WDPCP: variants seen among roughly 807,000 people sequenced by gnomAD.
WDPCP encodes the protein WD repeat-containing and planar cell polarity effector protein fritz homolog.
Under a neutral mutation model 93.1 loss-of-function variants are expected in WDPCP, and 71 were observed. The ratio of observed to expected loss-of-function variants is 0.76; its 90% CI spans 0.63 to 0.93. WDPCP has a LOEUF of 0.93. WDPCP is among the 40% of genes least tolerant of loss of function. The probability of loss-of-function intolerance (pLI) is 0.00; values close to 1 mark genes in which losing one functional copy is unlikely to be tolerated. For missense variants in WDPCP, 844 were observed against 887.4 expected (o/e 0.95, Z 0.62); for synonymous variants, 315 against 315.0 (o/e 1.00, Z 0.00).
intron 13 of WDPCP, among the ~76,000 whole-genome samples, chr2:63,306,868 C>T (rs1429540135): frequency 2.0e-5 from 3 of 152,156 alleles, no homozygotes; most frequent in African/African-American, 4.8e-5. Context: ...TCCTATTCAA[C>T]ATAGTGATGG....
At chr2:63,685,448 G>A (rs939858628) in intron 2 of WDPCP, among the ~76,000 whole-genome samples, 1 of 150,024 alleles carries the variant, frequency 6.7e-6, no homozygotes, top group Non-Finnish European at 1.5e-5. Flanking sequence ...TAACAAGAAC[G>A]AAGCTGTAGT....
rs549993199 is a variant in WDPCP at position 63,643,746 on chromosome 2, A to AC, written n.488+6912dup. 1,349 of 525,914 alleles carry AC rather than the reference A, an allele frequency of 2.6e-3. 7 individuals are homozygous for AC. The highest frequency in any genetic ancestry group is 4.1e-3 in the Non-Finnish European group (1,048 of 258,596). The allele number at this position is 525,914 out of a possible 1,614,324, so 32.6% of individuals were successfully genotyped here. ...AGTGACCCTTGGTGTCATAGATCAG[A>AC]CGGACATTCTCTCCAGTCTTGTCAA... On this transcript the variant is annotated intron_variant and non_coding_transcript_variant, in intron 3 of 4. Coordinates refer to the WDPCP transcript ENST00000467687.
At chr2:63,481,754 G>T (rs898366104) in intron 6 of WDPCP, among the ~76,000 whole-genome samples, 2 of 151,770 alleles carry the variant, frequency 1.3e-5, no homozygotes, top group African/African-American at 2.4e-5. Flanking sequence ...GGGTGGGAGG[G>T]GGGTGAGGGA....
rs1202666595 is a variant in WDPCP, at chr2:63,206,976, T to G, written c.1916-32144A>C. On this transcript the variant is annotated intron_variant, in intron 14 of 17. Transcript: ENST00000272321. ...TGCAAAACTGAAACCCATTAAAAAC[T>G]AATTCTCCTCCTCCCTTTTCTCCAG... Among the ~76,000 whole-genome samples the G allele has an allele frequency of 4.6e-5, 7 of 151,850 alleles. No homozygotes were observed. The East Asian group carries it at 1.4e-3, about 29-fold the overall frequency.
intron 2 of WDPCP, among the ~76,000 whole-genome samples, chr2:63,734,436 C>G (rs771659458): frequency 1.7e-4 from 26 of 152,108 alleles, no homozygotes; most frequent in Non-Finnish European, 3.5e-4. Flanking sequence ...TTATCTACAT[C>G]TAACTTTCCC....
At chr2:63,628,239 T>C (rs1709830960) in intron 3 of WDPCP, among the ~76,000 whole-genome samples, 1 of 152,200 alleles carries the variant, frequency 6.6e-6, no homozygotes, top group Admixed American at 6.5e-5. Context: ...TAATGGTAAC[T>C]ACTATTTTTC....
chr2:63,137,715 T>G (rs1377688758), intron 17 of WDPCP, among the ~76,000 whole-genome samples: 2 of 152,188 alleles, frequency 1.3e-5, no homozygotes, highest in African/African-American at 4.8e-5. Flanking sequence ...TTAATCCATC[T>G]CGAGTTAATT....
chr2:63,606,545 G>A (rs538222135), intron 3 of WDPCP, among the ~76,000 whole-genome samples: 3 of 152,142 alleles, frequency 2.0e-5, no homozygotes, highest in African/African-American at 7.2e-5. Context: ...TAGACACTAT[G>A]TTATTATGCC....
At chr2:63,717,645 C>T in intron 2 of WDPCP, 2 of 520,154 alleles carry the variant, frequency 3.8e-6, no homozygotes, top group Non-Finnish European at 7.8e-6. Context: ...GCTGACTGCT[C>T]AACTGCACAA....
At chr2:63,817,894 T>C (rs931047373) in intron 1 of WDPCP, among the ~76,000 whole-genome samples, 4 of 152,234 alleles carry the variant, frequency 2.6e-5, no homozygotes, top group Non-Finnish European at 5.9e-5. Flanking sequence ...GAAATGTCTT[T>C]ACCGTAGGGC....
rs770130590 is a variant in WDPCP, at chr2:63,404,218, G to T, written c.1265C>A (p.Pro422His). ...NIQLLAEDRL[P>H]RETLQFSKLF... ...TTTACTGAATTGCAGAGTCTCCCTG[G>T]GTAAGCGGTCTTCAGCCAACAGTTG... Residue 422 changes from proline to histidine, a missense_variant, in exon 10 of 18, where the codon CCC (proline) becomes CAC (histidine). Physicochemically the swap from Pro to His is moderately conservative, Grantham distance 77. Coordinates refer to ENST00000272321, the MANE Select transcript of WDPCP (RefSeq NM_015910.7). 6.2e-7 allele frequency: 1 copy of T among 1,613,620 alleles called. No individual in the cohort carries two copies. The highest frequency in any genetic ancestry group is 1.3e-5 in the African/African-American group (1 of 74,880).
At chr2:63,616,710 C>T (rs942071390) in intron 3 of WDPCP, among the ~76,000 whole-genome samples, 5 of 152,020 alleles carry the variant, frequency 3.3e-5, no homozygotes, top group African/African-American at 4.8e-5. Context: ...ATTATTTAAA[C>T]ACAGCAACCC....
intron 2 of WDPCP, among the ~76,000 whole-genome samples, chr2:63,805,576 C>T (rs1263054310): frequency 6.6e-6 from 1 of 152,104 alleles, no homozygotes; most frequent in Non-Finnish European, 1.5e-5. Context: ...CTGTCAGCCA[C>T]CAACCAGGTG....
intron 2 of WDPCP, among the ~76,000 whole-genome samples, chr2:63,797,552 A>T (rs1051358681): frequency 1.3e-5 from 2 of 151,968 alleles, no homozygotes; most frequent in African/African-American, 4.8e-5. Flanking sequence ...TTGATTGGAG[A>T]GTTTAGTCTA....
intron 12 of WDPCP, among the ~76,000 whole-genome samples, chr2:63,363,469 G>A (rs2104689976): frequency 6.6e-6 from 1 of 152,136 alleles, no homozygotes; most frequent in East Asian, 1.9e-4. Flanking sequence ...GTGATGGGGT[G>A]AGCCTATAGT....
At chr2:63,788,727 A>C (rs1018359638) in intron 2 of WDPCP, among the ~76,000 whole-genome samples, 1 of 152,176 alleles carries the variant, frequency 6.6e-6, no homozygotes, top group African/African-American at 2.4e-5. Flanking sequence ...TTTTGCACCA[A>C]TTCTGCAAAT....
chr2:63,652,774 G>A (rs1289694632), intron 2 of WDPCP, among the ~76,000 whole-genome samples: 5 of 152,220 alleles, frequency 3.3e-5, no homozygotes, highest in Admixed American at 2.0e-4. Context: ...GAAAACTTAA[G>A]TCCAACTCAG....
At chr2:63,719,118 A>T (rs1009237114) in intron 2 of WDPCP, among the ~76,000 whole-genome samples, 1 of 152,260 alleles carries the variant, frequency 6.6e-6, no homozygotes, top group Admixed American at 6.5e-5. Context: ...AGAGGTGTAT[A>T]GGTTGAAGGA....
intron 2 of WDPCP, among the ~76,000 whole-genome samples, chr2:63,739,118 T>G (rs990047387): frequency 6.6e-6 from 1 of 152,194 alleles, no homozygotes; most frequent in African/African-American, 2.4e-5. Flanking sequence ...GTTGTACATA[T>G]TATTTTATCA....
Sources: allele counts gnomAD v4.1 joint callset (sites outside exome capture counted in the v4.1 genomes callset), GRCh38; gene constraint gnomAD v4.1.1; transcripts MANE v1.5; gene names NCBI Gene and HGNC (gene_info 2026-07-23, HGNC 2026-07-21).